Variants in WDR17 observed in about 807,000 individuals in gnomAD.
The protein encoded by WDR17 is WD repeat-containing protein 17.
In WDR17, 143 loss-of-function variants were observed where a neutral mutation model predicts 161.7. The observed-to-expected ratio is 0.88, with a 90% CI of 0.77 to 1.02. WDR17 has a LOEUF of 1.02. WDR17 is among the 50% of genes least tolerant of loss of function. WDR17 has a pLI of 0.00. For synonymous variants in WDR17, 517 were observed against 515.6 expected (o/e 1.00, Z -0.04); for missense variants, 1,469 against 1,520.9 (o/e 0.97, Z 0.57).
intron 1 of WDR17, among the ~76,000 whole-genome samples, chr4:176,107,696 C>G (rs1263546421): frequency 6.6e-6 from 1 of 151,860 alleles, no homozygotes; most frequent in African/African-American, 2.4e-5. Flanking sequence ...TCAGATAAAT[C>G]ATGTTTCTTT....
chr4:176,128,732 G>C lies in WDR17; in HGVS notation c.791-6G>C, dbSNP rs375619497. On this transcript the variant is annotated splice_region_variant and splice_polypyrimidine_tract_variant and intron_variant, in intron 5 of 28. Coordinates refer to ENST00000508596, the MANE Select transcript of WDR17 (RefSeq NM_181265.4). ...TTAAAATGTGCTTTTTCCCTGATCT[G>C]ACTAGATTCTCAAGTGGGTGTTTTA... The C allele has an allele frequency of 3.2e-5, 52 of 1,600,718 alleles. 1 individual carries two copies. The highest frequency in any genetic ancestry group is 6.0e-6 in the Non-Finnish European group (7 of 1,176,188).
chr4:176,148,021 A>G, intron 12 of WDR17, 112 bp from the exon 13 acceptor site: 1 of 777,930 alleles, frequency 1.3e-6, no homozygotes, highest in Non-Finnish European at 1.9e-6. Flanking sequence ...TTGAGACATA[A>G]AATGCTTCTA....
At chr4:176,130,805 G>T (rs143099121) in intron 6 of WDR17, among the ~76,000 whole-genome samples, 3 of 150,816 alleles carry the variant, frequency 2.0e-5, no homozygotes, top group Non-Finnish European at 4.4e-5. Context: ...ATTAATAATC[G>T]ATTGGTCTTA....
intron 1 of WDR17, among the ~76,000 whole-genome samples, chr4:176,105,184 G>A (rs1197335239): frequency 1.3e-5 from 2 of 151,820 alleles, no homozygotes; most frequent in African/African-American, 4.8e-5. Flanking sequence ...CAAAATATAA[G>A]TTATAACATT....
intron 22 of WDR17, 83 bp downstream of exon 22, chr4:176,163,376 T>A (rs945906961): frequency 2.1e-6 from 3 of 1,434,292 alleles, no homozygotes; most frequent in Non-Finnish European, 2.8e-6. Flanking sequence ...TGATAAGATA[T>A]GCATTGGGAG....
At position 176,125,295 on chromosome 4, in the gene WDR17, G is replaced by T. The variant is rs138556631; in HGVS notation, c.730G>T (p.Ala244Ser). 2,232 of 1,614,140 alleles carry T rather than the reference G, an allele frequency of 1.4e-3. 4 individuals are homozygous for T. The highest frequency in any genetic ancestry group is 1.7e-3 in the Non-Finnish European group (2,057 of 1,180,018). ...CITTFNLPSA[A>S]ASVQCLAWVP... ...AACAACATTTAATCTTCCCAGTGCA[G>T]CAGCTTCTGTACAGTGCTTAGCCTG... Residue 244 changes from alanine (A) to serine (S), a missense_variant, in exon 5 of 29, where the codon GCA becomes TCA. Coordinates refer to ENST00000508596, the MANE Select transcript of WDR17 (RefSeq NM_181265.4).
chr4:176,159,335 A>AG (rs61442443), intron 18 of WDR17, among the ~76,000 whole-genome samples: 3 of 150,372 alleles, frequency 2.0e-5, no homozygotes, highest in African/African-American at 4.9e-5. Context: ...AGAGAGAGAG[A>AG]AAGGGAGAGA....
chr4:176,082,899 CT>C (rs1734937126), intron 1 of WDR17, among the ~76,000 whole-genome samples: 1 of 146,888 alleles, frequency 6.8e-6, no homozygotes, highest in Non-Finnish European at 1.5e-5. Context: ...AATATACATA[CT>C]TTTGAAAAGC....
chr4:176,147,799 T>A (rs1434314168), intron 12 of WDR17, among the ~76,000 whole-genome samples: 1 of 151,618 alleles, frequency 6.6e-6, no homozygotes, highest in East Asian at 1.9e-4. Context: ...CTACCAGTAA[T>A]GAGTAAAAGT....
chr4:176,149,567 C>T (rs1413072430), intron 13 of WDR17, among the ~76,000 whole-genome samples: 1 of 152,048 alleles, frequency 6.6e-6, no homozygotes. Context: ...GCCACCATTT[C>T]CAGCCTCTAA....
Position 176,168,761 on chromosome 4 carries a change from A to G in WDR17, c.3080A>G (p.Glu1027Gly), listed in dbSNP as rs1446662569. 1 of 1,611,600 alleles carries G rather than the reference A, an allele frequency of 6.2e-7. No individual in the cohort carries two copies. Among genetic ancestry groups the G allele is most frequent in the East Asian group, 2.2e-5 (1 of 44,708 alleles). Reference protein sequence around the residue: ...LCAFYPGCTEEINDLHDKCKL... With the variant: ...LCAFYPGCTEGINDLHDKCKL... ...GCTTTCTACCCAGGATGTACTGAAGAGATAAATGACCTTCATGATAAGGTA... is the reference window on the plus strand; with the variant it reads ...GCTTTCTACCCAGGATGTACTGAAGGGATAAATGACCTTCATGATAAGGTA... Residue 1027 changes from glutamate (E) to glycine (G), a missense_variant, in exon 23 of 29, where the codon GAG becomes GGG. Coordinates refer to ENST00000508596, the MANE Select transcript of WDR17 (RefSeq NM_181265.4).
intron 22 of WDR17, among the ~76,000 whole-genome samples, chr4:176,165,725 C>T (rs1749676994): frequency 6.6e-6 from 1 of 152,154 alleles, no homozygotes; most frequent in African/African-American, 2.4e-5. Context: ...CTGCTTCCTA[C>T]TGAGCAGTTC....
chr4:176,156,100 G>T lies in WDR17; in HGVS notation c.2482G>T (p.Ala828Ser), dbSNP rs138279575. The stretch of plus-strand genomic sequence containing the variant: ...GTAGTGGGACAAAGCCCTGTCAATT[G>T]CACCAGGAGTCTCTGTGAAATACTG... ...LGEWDKALSI[A>S]PGVSVKYWKK... Residue 828 changes from alanine to serine, a missense_variant, in exon 18 of 29, where the codon GCA (alanine) becomes TCA (serine). Ala to Ser is a moderately conservative substitution (Grantham distance 99). Coordinates refer to ENST00000508596, the MANE Select transcript of WDR17 (RefSeq NM_181265.4). 3 of 1,613,650 alleles carry T rather than the reference G, an allele frequency of 1.9e-6. No individual in the cohort carries two copies. Among genetic ancestry groups the T allele is most frequent in the Non-Finnish European group, 2.5e-6 (3 of 1,179,780 alleles).
intron 1 of WDR17, among the ~76,000 whole-genome samples, chr4:176,106,293 T>C (rs1029919160): frequency 6.6e-6 from 1 of 151,578 alleles, no homozygotes; most frequent in African/African-American, 2.4e-5. Context: ...AATTTATATA[T>C]AAATATAAAA....
intron 1 of WDR17, among the ~76,000 whole-genome samples, chr4:176,074,279 A>G (rs1238620392): frequency 6.6e-6 from 1 of 152,032 alleles, no homozygotes; most frequent in East Asian, 1.9e-4. Flanking sequence ...ATCTTTTAAA[A>G]AAATTACAAT....
At chr4:176,117,616 T>G (rs933289651) in intron 3 of WDR17, among the ~76,000 whole-genome samples, 1 of 152,058 alleles carries the variant, frequency 6.6e-6, no homozygotes, top group African/African-American at 2.4e-5. Context: ...AAGATTTTAT[T>G]TATTCATCAG....
intron 1 of WDR17, among the ~76,000 whole-genome samples, chr4:176,102,727 A>G (rs1037497856): frequency 1.3e-5 from 2 of 152,164 alleles, no homozygotes; most frequent in South Asian, 2.1e-4. Context: ...CTAGACAACA[A>G]TTGCACTGGT....
intron 1 of WDR17, among the ~76,000 whole-genome samples, chr4:176,102,559 C>G (rs778596431): frequency 6.6e-6 from 1 of 152,220 alleles, no homozygotes; most frequent in Non-Finnish European, 1.5e-5. Flanking sequence ...TTTATAGCAG[C>G]TTTAAGCATA....
At chr4:176,067,513 T>C (rs1304373355) in intron 1 of WDR17, among the ~76,000 whole-genome samples, 1 of 152,258 alleles carries the variant, frequency 6.6e-6, no homozygotes. Flanking sequence ...TTAATAGAAC[T>C]GCTTAAAAAA....
Sources: gnomAD v4.1 joint callset for allele counts (sites outside exome capture counted in the v4.1 genomes callset) on GRCh38, gnomAD v4.1.1 for gene constraint, MANE v1.5 for transcripts, NCBI Gene and HGNC (gene_info 2026-07-23, HGNC 2026-07-21) for gene names.